The following TFDP2 variants were observed in gnomAD, a reference collection of about 807,000 sequenced individuals.
The protein encoded by TFDP2 is transcription factor Dp-2 (E2F dimerization partner 2).
Under a neutral mutation model 59.3 loss-of-function variants are expected in TFDP2, and 17 were observed. The ratio of observed to expected loss-of-function variants is 0.29; its 90% CI spans 0.20 to 0.43. The LOEUF is 0.43. Ranked by LOEUF, TFDP2 falls within the 20% of genes least tolerant of loss-of-function variation. The pLI is 1.00. For synonymous variants in TFDP2, 180 were observed against 194.7 expected (o/e 0.92, Z 0.63); for missense variants, 391 against 528.8 (o/e 0.74, Z 2.56).
At chr3:141,998,872 C>G (rs1943520087) in intron 4 of TFDP2, among the ~76,000 whole-genome samples, 1 of 151,870 alleles carries the variant, frequency 6.6e-6, no homozygotes, top group Non-Finnish European at 1.5e-5. Flanking sequence ...CTACTGCCAT[C>G]TACAGTTAAA....
chr3:141,998,571 C>T (rs1036334530), intron 4 of TFDP2, among the ~76,000 whole-genome samples: 4 of 152,018 alleles, frequency 2.6e-5, no homozygotes, highest in African/African-American at 9.7e-5. Flanking sequence ...GAGCTGAGAT[C>T]GTGCCACTAC....
chr3:142,091,512 G>A (rs1375042153), intron 3 of TFDP2, among the ~76,000 whole-genome samples: 4 of 151,844 alleles, frequency 2.6e-5, no homozygotes, highest in Non-Finnish European at 5.9e-5. Context: ...GTTGCAGTGA[G>A]CCAAGATCAT....
At chr3:142,124,323 T>A (rs7652340) in intron 1 of TFDP2, among the ~76,000 whole-genome samples, 52,492 of 152,018 alleles carry the variant, frequency 0.35, 9,291 homozygotes, top group Middle Eastern at 0.46. Context: ...TCCAATTATT[T>A]AAACAAGTTG....
chr3:141,955,416 T>G (rs923929941), intron 11 of TFDP2, among the ~76,000 whole-genome samples: 3 of 152,172 alleles, frequency 2.0e-5, no homozygotes, highest in Non-Finnish European at 4.4e-5. Flanking sequence ...TTCTGGTGAT[T>G]TATTGAGTAA....
At position 141,949,366 on chromosome 3, in the gene TFDP2, T is replaced by C. The variant is rs79854644; in HGVS notation, c.*3147A>G. On this transcript the variant is annotated 3_prime_UTR_variant, in exon 13 of 13. Transcript: ENST00000489671. ...GTCGCTGAGGGGTGGAGGACCGCCA[T>C]GTTGGTCGCTCCTTTCCCGCCCTCC... 3,870 of 152,338 alleles carry C rather than the reference T, an allele frequency of 0.025. 144 individuals are homozygous for C. The highest frequency in any genetic ancestry group is 0.088 in the African/African-American group (3,668 of 41,556). 9.4% of individuals were successfully genotyped at this position (152,338 alleles called of 1,614,324 possible).
chr3:142,111,644 C>T (rs6440062), intron 1 of TFDP2, among the ~76,000 whole-genome samples: 135,346 of 152,054 alleles, frequency 0.89, 60,495 homozygotes, highest in African/African-American at 0.97. Context: ...GGAAGAAAAG[C>T]ATGTGGGAGG....
Position 142,136,604 on chromosome 3 carries a change from G to A in TFDP2, c.-93+12579C>T, listed in dbSNP as rs558900597. 2.8e-4 allele frequency among the ~76,000 whole-genome samples: 42 copies of A among 152,156 alleles called. 1 individual carries two copies. The highest frequency in any genetic ancestry group is 9.1e-4 in the African/African-American group (38 of 41,548). On this transcript the variant is annotated intron_variant, in intron 1 of 12. Transcript: ENST00000489671. ...TCTTGAATTAATTTTTATATAAGGTGTAAGGAAGGGATCCAGTTTCAGCTT... is the reference window on the plus strand; with the variant it reads ...TCTTGAATTAATTTTTATATAAGGTATAAGGAAGGGATCCAGTTTCAGCTT...
rs79953775 is a variant in TFDP2 at position 142,063,554 on chromosome 3, G to T, written c.82+29507C>A. ...CTGTCTGTGTCTACATTAATCAATT[G>T]TTGAAAGTTATTTCCTTAGGATAGC... On this transcript the variant is annotated intron_variant, in intron 3 of 12. Coordinates refer to ENST00000489671, the MANE Select transcript of TFDP2 (RefSeq NM_001178139.2). Among the ~76,000 whole-genome samples, 811 of 152,240 alleles carry T rather than the reference G, an allele frequency of 5.3e-3. 14 individuals carry two copies. Among genetic ancestry groups the T allele is most frequent in the African/African-American group, 0.019 (783 of 41,534 alleles).
intron 2 of TFDP2, among the ~76,000 whole-genome samples, chr3:142,101,069 A>G (rs1409372811): frequency 1.3e-5 from 2 of 152,192 alleles, no homozygotes; most frequent in Non-Finnish European, 2.9e-5. Context: ...ACATTGGAAC[A>G]GTAAAGCAAT....
At chr3:142,038,539 T>C (rs1043479143) in intron 3 of TFDP2, among the ~76,000 whole-genome samples, 7 of 152,268 alleles carry the variant, frequency 4.6e-5, no homozygotes, top group African/African-American at 1.7e-4. Context: ...TCTTTGCTAA[T>C]TGATAGAGGA....
chr3:142,082,073 C>T (rs980482175), intron 3 of TFDP2, among the ~76,000 whole-genome samples: 6 of 152,078 alleles, frequency 3.9e-5, no homozygotes, highest in Non-Finnish European at 5.9e-5. Context: ...TACAGATGCT[C>T]CCCACTGCTT....
intron 3 of TFDP2, among the ~76,000 whole-genome samples, chr3:142,040,743 A>C (rs1946922109): frequency 6.6e-6 from 1 of 152,162 alleles, no homozygotes; most frequent in South Asian, 2.1e-4. Flanking sequence ...ACTTTTTTTA[A>C]TAAAAAATAA....
At chr3:142,103,560 G>A (rs1383714040) in intron 1 of TFDP2, among the ~76,000 whole-genome samples, 1 of 152,012 alleles carries the variant, frequency 6.6e-6, no homozygotes, top group Non-Finnish European at 1.5e-5. Flanking sequence ...GGGTATAATG[G>A]TGGCAACTTA....
At chr3:142,072,143 A>G (rs1376836916) in intron 3 of TFDP2, among the ~76,000 whole-genome samples, 1 of 152,222 alleles carries the variant, frequency 6.6e-6, no homozygotes, top group Non-Finnish European at 1.5e-5. Context: ...AATATTATAA[A>G]CAAGAGAAAA....
chr3:142,148,436 G>A (rs2063252169), intron 1 of TFDP2, among the ~76,000 whole-genome samples: 1 of 152,198 alleles, frequency 6.6e-6, no homozygotes, highest in Admixed American at 6.5e-5. Flanking sequence ...ACTAATGCAA[G>A]GCATTTAATA....
chr3:141,981,336 T>C (rs1348942229), intron 6 of TFDP2, among the ~76,000 whole-genome samples: 1 of 152,190 alleles, frequency 6.6e-6, no homozygotes, highest in East Asian at 1.9e-4. Context: ...TTTGGGTAAG[T>C]ACATTGATGA....
intron 3 of TFDP2, among the ~76,000 whole-genome samples, chr3:142,016,954 A>G (rs747761136): frequency 2.0e-4 from 31 of 152,112 alleles, no homozygotes; most frequent in Middle Eastern, 3.2e-3. Flanking sequence ...ATTCCTCTGC[A>G]TTCACACTGA....
At chr3:142,053,248 G>A (rs186735108) in intron 3 of TFDP2, among the ~76,000 whole-genome samples, 17 of 152,188 alleles carry the variant, frequency 1.1e-4, no homozygotes, top group Non-Finnish European at 1.9e-4. Flanking sequence ...GGTGGGGCCT[G>A]ATGGGGGTGT....
intron 3 of TFDP2, among the ~76,000 whole-genome samples, chr3:142,073,472 C>CCCCCAAA (rs1553796689): frequency 1.9e-5 from 1 of 52,498 alleles, no homozygotes; most frequent in Non-Finnish European, 3.6e-5. Flanking sequence ...CCCCCCCCCG[C>CCCCCAAA]AAAAAAAAAA....
Sources: gnomAD v4.1 joint callset for allele counts (sites outside exome capture counted in the v4.1 genomes callset) on GRCh38, gnomAD v4.1.1 for gene constraint, MANE v1.5 for transcripts, NCBI Gene and HGNC (gene_info 2026-07-23, HGNC 2026-07-21) for gene names.